The following THBS4 variants were observed in gnomAD, a reference collection of about 807,000 sequenced individuals.
THBS4 encodes the protein thrombospondin 4, also known as thrombospondin-4.
A neutral mutation model predicts 115.7 loss-of-function variants in THBS4; 90 were observed. The ratio of observed to expected loss-of-function variants is 0.78; its 90% confidence interval spans 0.66 to 0.93. The LOEUF (loss-of-function observed/expected upper bound fraction) is 0.93. Ranked by LOEUF, THBS4 falls within the 40% of genes least tolerant of loss-of-function variation. The pLI is 0.00. For missense variants in THBS4, 1,087 were observed against 1,232.7 expected (o/e 0.88, Z 1.77); for synonymous variants, 460 against 479.3 (o/e 0.96, Z 0.53).
At chr5:80,025,599 AAAG>A (rs1472444776) in intron 2 of THBS4, among the ~76,000 whole-genome samples, 2 of 152,162 alleles carry the variant, frequency 1.3e-5, no homozygotes, top group African/African-American at 2.4e-5. Context: ...AACATCAAGG[AAAG>A]AAGAAGGAAT....
intron 15 of THBS4, chr5:80,076,032 T>C (rs578227756): frequency 6.6e-6 from 1 of 152,202 alleles, no homozygotes; most frequent in South Asian, 2.1e-4. Context: ...TTTTCCAGAG[T>C]AACCATGAGA....
chr5:80,039,865 A>G (rs1174242699), intron 1 of THBS4, among the ~76,000 whole-genome samples: 1 of 152,200 alleles, frequency 6.6e-6, no homozygotes, highest in Non-Finnish European at 1.5e-5. Flanking sequence ...AGTGATGAAT[A>G]TTGTGCTGTA....
In THBS4 at chr5:80,058,220, G is replaced by C; in HGVS notation, c.555G>C (p.Glu185Asp). 3 of 1,574,822 alleles carry C rather than the reference G, an allele frequency of 1.9e-6. No individual in the cohort carries two copies. The highest frequency in any genetic ancestry group is 2.6e-6 in the Non-Finnish European group (3 of 1,158,556). Reference protein sequence around the residue: ...FQRKPQDFLEELKLVVRGSLF... With the variant: ...FQRKPQDFLEDLKLVVRGSLF... ...ATTTCTTCCAGGACTTCTTGGAAGA[G>C]CTGAAGCTGGTGGTGAGAGGCTCAC... is the stretch of plus-strand genomic sequence containing the variant. The change falls in exon 4 of 22, where the codon GAG becomes GAC. Residue 185 changes from glutamate to aspartate, a missense_variant. By Grantham distance (45) the Glu-to-Asp change is conservative. Around this residue, in one of 3 missense-constraint regions of THBS4, gnomAD observed 979 missense variants for 1,103.7 expected, o/e 0.89. Coordinates refer to ENST00000350881, the MANE Select transcript of THBS4 (RefSeq NM_003248.6).
chr5:79,997,311 T>C (rs939595551), intron 1 of THBS4, among the ~76,000 whole-genome samples: 8 of 152,068 alleles, frequency 5.3e-5, no homozygotes, highest in African/African-American at 1.4e-4. Context: ...AACATGACAT[T>C]GGTAGATGGA....
chr5:80,058,572 C>A, intron 4 of THBS4, 136 bp from the exon 5 acceptor site: 1 of 769,540 alleles, frequency 1.3e-6, no homozygotes, highest in Non-Finnish European at 2.2e-6. Flanking sequence ...AAAGAAATTA[C>A]CCCAAATTAA....
At chr5:80,063,909 A>T (rs1214623039) in intron 8 of THBS4, among the ~76,000 whole-genome samples, 1 of 152,260 alleles carries the variant, frequency 6.6e-6, no homozygotes, top group African/African-American at 2.4e-5. Flanking sequence ...CAAAGCCAGA[A>T]CTGTGACTAG....
At chr5:80,064,673 C>G (rs563148472) in intron 8 of THBS4, among the ~76,000 whole-genome samples, 1 of 151,962 alleles carries the variant, frequency 6.6e-6, no homozygotes, top group Non-Finnish European at 1.5e-5. Flanking sequence ...TCGAGGCTGC[C>G]GTGAGCTGTG....
chr5:80,044,071 C>T (rs1270674184), intron 2 of THBS4, among the ~76,000 whole-genome samples: 1 of 152,182 alleles, frequency 6.6e-6, no homozygotes, highest in Non-Finnish European at 1.5e-5. Flanking sequence ...CCTCTTGACA[C>T]CCAAATCCTA....
At chr5:80,076,010 G>C (rs997283753) in intron 15 of THBS4, 1 of 152,304 alleles carries the variant, frequency 6.6e-6, no homozygotes, top group Admixed American at 6.5e-5. Context: ...AGGTCTAAAG[G>C]AGTGCTCATT....
intron 2 of THBS4, among the ~76,000 whole-genome samples, chr5:80,016,626 C>T (rs543609665): frequency 3.5e-4 from 54 of 152,248 alleles, no homozygotes; most frequent in Middle Eastern, 3.4e-3. Flanking sequence ...ATAATATACA[C>T]ATATTATTGT....
intron 8 of THBS4, among the ~76,000 whole-genome samples, chr5:80,063,633 AAAGGGAGGCCAGCTAGACAT>A (rs1833713775): frequency 6.6e-6 from 1 of 152,136 alleles, no homozygotes; most frequent in Admixed American, 6.5e-5. Flanking sequence ...TTAGACTAGA[AAAGGGAGGCCAGCTAGACAT>A]ATAGGAATGA....
At chr5:80,076,544 CCT>C (rs1561328083) in intron 15 of THBS4, among the ~76,000 whole-genome samples, 1 of 152,196 alleles carries the variant, frequency 6.6e-6, no homozygotes. Flanking sequence ...CCTCACACAT[CCT>C]CTGAGTTGAG....
At chr5:80,061,659 G>C (rs1390126948) in intron 7 of THBS4, 36 bp from the exon 8 acceptor site, 1 of 1,557,636 alleles carries the variant, frequency 6.4e-7, no homozygotes. Flanking sequence ...GTGTTTTCTC[G>C]GTGTGGCTAA....
At chr5:80,003,978 G>T (rs1831963231) in intron 2 of THBS4, among the ~76,000 whole-genome samples, 1 of 152,206 alleles carries the variant, frequency 6.6e-6, no homozygotes, top group South Asian at 2.1e-4. Flanking sequence ...AGTAGGGAGG[G>T]TCATTCATAC....
At chr5:80,076,758 TA>T (rs1009290249) in intron 15 of THBS4, 96 bp from the exon 16 acceptor site, 21 of 1,274,952 alleles carry the variant, frequency 1.6e-5, no homozygotes, top group African/African-American at 4.6e-5. Flanking sequence ...AACCCTGGTT[TA>T]AAAAAAACCT....
chr5:80,034,565 A>G (rs146977120), upstream of THBS4, among the ~76,000 whole-genome samples: 619 of 152,278 alleles, frequency 4.1e-3, 5 homozygotes, highest in African/African-American at 0.014. Context: ...ATCTCTTTCA[A>G]GTTCTACTCC....
At position 80,055,813 on chromosome 5, in the gene THBS4, G is replaced by A. The variant is rs770357704; in HGVS notation, c.321G>A (p.Gly107=). 10 of 1,613,788 alleles carry A rather than the reference G, an allele frequency of 6.2e-6. No homozygotes were observed. The Admixed American group carries it at 1.7e-4, about 27-fold the overall frequency. ...KAILRYLKND[G]KVHLVVFNNL... is the part of the protein sequence containing the mutation. ...TCCTCCGTTACCTGAAGAACGATGG[G>A]AAGGTGCATTTGGTGGTTTTCAACA... The change falls in exon 3 of 22, where the codon GGG becomes GGA. Residue 107 remains glycine, a synonymous_variant. Coordinates refer to ENST00000350881, the MANE Select transcript of THBS4 (RefSeq NM_003248.6).
intron 9 of THBS4, chr5:80,067,753 CCTT>C: frequency 2.0e-6 from 1 of 498,754 alleles, no homozygotes; most frequent in Non-Finnish European, 3.6e-6. Flanking sequence ...CACTTCTATT[CCTT>C]CTTTGTCTGA....
At chr5:80,048,528 G>A (rs7736825) in intron 2 of THBS4, among the ~76,000 whole-genome samples, 9 of 152,044 alleles carry the variant, frequency 5.9e-5, no homozygotes, top group Admixed American at 1.3e-4. Flanking sequence ...CTGCTTTGTT[G>A]TCTACTAGAT....
Sources: allele counts gnomAD v4.1 joint callset (sites outside exome capture counted in the v4.1 genomes callset), GRCh38; gene constraint gnomAD v4.1.1; regional missense constraint gnomAD v4.1.1; transcripts MANE v1.5; gene names NCBI Gene and HGNC (gene_info 2026-07-23, HGNC 2026-07-21).